XPO5: variants seen among roughly 807,000 people sequenced by gnomAD.
The protein encoded by XPO5 is exportin 5.
In XPO5, 46 loss-of-function variants were observed where a neutral mutation model predicts 160.6. That is an observed-to-expected ratio of 0.29 (90% CI 0.23 to 0.37). The LOEUF is 0.37. Ranked by LOEUF, XPO5 falls within the 10% of genes least tolerant of loss-of-function variation. The pLI is 1.00. For synonymous variants in XPO5, 537 were observed against 519.3 expected (o/e 1.03, Z -0.46); for missense variants, 1,090 against 1,463.9 (o/e 0.74, Z 4.17).
At position 43,560,770 on chromosome 6, in the gene XPO5, G is replaced by A. The variant is rs180947566; in HGVS notation, c.1095+154C>T. Among the ~76,000 whole-genome samples the A allele has an allele frequency of 5.6e-4, 85 of 152,286 alleles. No homozygotes were observed. The East Asian group carries it at 0.012, about 22-fold the overall frequency. ...TGCACTGTTTGGCTCAGGAAGAAGA[G>A]CCAATAATTCTCTTAATGAAATGAC... On this transcript the variant is annotated intron_variant, in intron 10 of 31. Transcript: ENST00000265351.
rs1193871224 is a variant in XPO5 at position 43,524,808 on chromosome 6, T to TC, written c.3312+22dup. On this transcript the variant is annotated intron_variant, in intron 30 of 31. Transcript: ENST00000265351. The stretch of plus-strand genomic sequence containing the variant: ...TGAGTGATGAAGCTGCAGCCATCCT[T>TC]CCCCCATGCCTTCCCCACTCACCAG... 6 of 1,611,796 alleles carry TC rather than the reference T, an allele frequency of 3.7e-6. No individual in the cohort carries two copies. In the African/African-American group the frequency reaches 6.7e-5, roughly 18 times the overall value.
intron 25 of XPO5, 130 bp downstream of exon 25, chr6:43,528,029 C>T: frequency 1.0e-6 from 1 of 971,318 alleles, no homozygotes; most frequent in South Asian, 1.6e-5. Context: ...CATGTATCAC[C>T]TAGGCTGAGA....
At chr6:43,527,328 G>A (rs746814582) in intron 26 of XPO5, 188 of 254,506 alleles carry the variant, frequency 7.4e-4, no homozygotes, top group Non-Finnish European at 1.2e-3. Context: ...CTGGAGTGCA[G>A]TGGCGTGATT....
chr6:43,533,539 T>C, intron 21 of XPO5: 1 of 175,570 alleles, frequency 5.7e-6, no homozygotes, highest in Non-Finnish European at 1.2e-5. Context: ...CAAGATAGGC[T>C]GAAGCTGCTC....
At chr6:43,550,533 C>T (rs754822748) in intron 15 of XPO5, among the ~76,000 whole-genome samples, 3 of 152,180 alleles carry the variant, frequency 2.0e-5, no homozygotes, top group African/African-American at 2.4e-5. Context: ...CTAGGTTCCT[C>T]GCTTGACTCA....
intron 20 of XPO5, among the ~76,000 whole-genome samples, chr6:43,539,874 T>C (rs1488299910): frequency 1.3e-5 from 2 of 152,278 alleles, no homozygotes; most frequent in African/African-American, 4.8e-5. Flanking sequence ...TATGAAGTTA[T>C]ATCTCTTTAG....
chr6:43,527,827 T>C, intron 25 of XPO5, 96 bp from the exon 26 acceptor site: 1 of 1,344,970 alleles, frequency 7.4e-7, no homozygotes, highest in Non-Finnish European at 1.0e-6. Context: ...ACCACTTTCT[T>C]CTCCTTTGGG....
chr6:43,531,147 C>T (rs992110041), intron 22 of XPO5, among the ~76,000 whole-genome samples: 2 of 152,180 alleles, frequency 1.3e-5, no homozygotes, highest in Non-Finnish European at 2.9e-5. Flanking sequence ...TCCAGCCACC[C>T]GACTCCTATG....
chr6:43,524,943 T>C lies in XPO5; in HGVS notation c.3200A>G (p.Asp1067Gly), dbSNP rs773231555. ...KQVLSGTLLA[D>G]AVTWLFTSVL... Reference sequence around the variant, plus strand: ...ACTGGTGAAAAGCCACGTAACTGCATCTGCGAGCAGTGTCCCTGACAGCAC... The same window carrying C: ...ACTGGTGAAAAGCCACGTAACTGCACCTGCGAGCAGTGTCCCTGACAGCAC... The change falls in exon 30 of 32, where the codon GAT (aspartate) becomes GGT (glycine). Residue 1067 changes from aspartate to glycine, a missense_variant. Physicochemically the swap from Asp to Gly is moderately conservative, Grantham distance 94. Transcript: ENST00000265351. 15 of 1,613,770 alleles carry C rather than the reference T, an allele frequency of 9.3e-6. No individual in the cohort carries two copies. In the South Asian group the frequency reaches 1.6e-4, roughly 18 times the overall value.
chr6:43,530,764 G>A lies in XPO5; in HGVS notation c.2601C>T (p.Asp867=). Residue 867 remains aspartate (D), a synonymous_variant, in exon 23 of 32, where the codon GAC becomes GAT. Coordinates refer to ENST00000265351, the MANE Select transcript of XPO5 (RefSeq NM_020750.3). The part of the protein sequence containing the change: ...SMQQDFYTVE[D]LATQLLSSAF... Reference sequence around the variant, plus strand: ...CTGAGCTGAGAAGCTGGGTAGCAAGGTCCTCCACAGTATAGAAGTCTTGCT... The same window carrying A: ...CTGAGCTGAGAAGCTGGGTAGCAAGATCCTCCACAGTATAGAAGTCTTGCT... The A allele has an allele frequency of 1.2e-6, 2 of 1,613,954 alleles. No individual in the cohort carries two copies. The highest frequency in any genetic ancestry group is 1.7e-6 in the Non-Finnish European group (2 of 1,179,878).
intron 21 of XPO5, 57 bp downstream of exon 21, chr6:43,533,850 G>A (rs78162110): frequency 7.6e-7 from 1 of 1,322,432 alleles, no homozygotes; most frequent in Non-Finnish European, 1.1e-6. Flanking sequence ...AACAAAAAAA[G>A]GGGACATCCA....
chr6:43,559,724 G>C (rs1020007120), intron 11 of XPO5, among the ~76,000 whole-genome samples: 1 of 152,240 alleles, frequency 6.6e-6, no homozygotes. Flanking sequence ...ATAATAACCA[G>C]TAAGGACTGA....
chr6:43,524,741 G>A (rs1457529004), intron 30 of XPO5, 90 bp downstream of exon 30: 41 of 1,586,720 alleles, frequency 2.6e-5, no homozygotes, highest in Middle Eastern at 2.0e-4. Context: ...AATTTGGCAG[G>A]TGCCTGAATT....
chr6:43,566,396 A>AAAATAAAT (rs1005359857), intron 7 of XPO5, among the ~76,000 whole-genome samples: 4 of 152,064 alleles, frequency 2.6e-5, no homozygotes, highest in African/African-American at 9.7e-5. Context: ...TCCATCTCAA[A>AAAATAAAT]AAATAAATAA....
At position 43,570,602 on chromosome 6, in the gene XPO5, CTTT is replaced by C; in HGVS notation, c.518_520del (p.Gln173del). 2 of 1,613,818 alleles carry C rather than the reference CTTT, an allele frequency of 1.2e-6. No individual in the cohort carries two copies. Among genetic ancestry groups the C allele is most frequent in the East Asian group, 2.2e-5 (1 of 44,862 alleles). On this transcript the variant is annotated inframe_deletion, in exon 5 of 32. Coordinates refer to ENST00000265351, the MANE Select transcript of XPO5 (RefSeq NM_020750.3). The stretch of plus-strand genomic sequence containing the variant: ...TAATGTTTGCTGGATGTCCCTTCTT[CTTT>C]GAGGGGGAAGTGTCTGAAAAGTCAC...
chr6:43,568,808 AAATC>A lies in XPO5; in HGVS notation c.622-75_622-72del, dbSNP rs1762839611. On this transcript the variant is annotated intron_variant, in intron 5 of 31. Coordinates refer to ENST00000265351, the MANE Select transcript of XPO5 (RefSeq NM_020750.3). ...CACATAATAACTTTCTACCCCCCAC[AAATC>A]AATGCCCTTGAATAATGATTCTTAA... 3.8e-6 allele frequency: 5 copies of A among 1,311,542 alleles called. No homozygotes were observed. In the South Asian group the frequency reaches 7.4e-5, roughly 20 times the overall value. The allele number at this position is 1,311,542 out of a possible 1,614,324, so 81.2% of individuals were successfully genotyped here. A position where few individuals can be genotyped will look rare whatever the true frequency, so the allele number is the denominator to read the frequency against.
At chr6:43,569,478 C>T (rs1233177281) in intron 5 of XPO5, among the ~76,000 whole-genome samples, 1 of 151,160 alleles carries the variant, frequency 6.6e-6, no homozygotes, top group East Asian at 2.0e-4. Flanking sequence ...TCACGCCTAC[C>T]ATCCCAGCAC....
intron 1 of XPO5, among the ~76,000 whole-genome samples, chr6:43,573,821 ATATTTTTT>A (rs1359724294): frequency 8.1e-6 from 1 of 122,718 alleles, no homozygotes; most frequent in African/African-American, 3.5e-5. Flanking sequence ...ATATATATAT[ATATTTTTT>A]TTTTTTTTTT....
At chr6:43,535,806 T>C (rs1582206753) in intron 20 of XPO5, among the ~76,000 whole-genome samples, 2 of 117,120 alleles carry the variant, frequency 1.7e-5, no homozygotes, top group African/African-American at 3.7e-5. Context: ...AGAGCGAGAC[T>C]CCATCTCAAA....
Sources: gnomAD v4.1 joint callset for allele counts (sites outside exome capture counted in the v4.1 genomes callset) on GRCh38, gnomAD v4.1.1 for gene constraint, MANE v1.5 for transcripts, NCBI Gene and HGNC (gene_info 2026-07-23, HGNC 2026-07-21) for gene names.